The following USP32 variants were observed in gnomAD, a reference collection of about 807,000 sequenced individuals.
The protein encoded by USP32 is ubiquitin carboxyl-terminal hydrolase 32.
USP32 carries 59 observed loss-of-function variants against 204.8 expected under a neutral mutation model. That is an observed-to-expected ratio of 0.29 (90% confidence interval 0.23 to 0.36). The LOEUF is 0.36. Among genes scored for constraint, USP32 ranks in the 10% least tolerant of loss-of-function variants. USP32 has a pLI of 1.00. For synonymous variants in USP32, 517 were observed against 678.4 expected, an observed-to-expected ratio of 0.76 and a Z score of 3.70; for missense variants, 1,160 against 1,946.4, an observed-to-expected ratio of 0.60 and a Z score of 7.60.
At chr17:60,222,613 T>A in intron 14 of USP32, 64 bp from the exon 15 acceptor site, 1 of 1,526,886 alleles carries the variant, frequency 6.5e-7, no homozygotes, top group Non-Finnish European at 8.9e-7. Context: ...GTCTCAGCAA[T>A]ACCTAGAAAC....
intron 1 of USP32, among the ~76,000 whole-genome samples, chr17:60,369,241 G>A (rs1365440577): frequency 1.5e-5 from 2 of 137,434 alleles, no homozygotes; most frequent in African/African-American, 6.9e-5. Flanking sequence ...TGATCCGCCC[G>A]CCTCGGCCTC....
At chr17:60,197,621 A>T (rs2084556727) in intron 27 of USP32, among the ~76,000 whole-genome samples, 2 of 152,260 alleles carry the variant, frequency 1.3e-5, no homozygotes, top group African/African-American at 4.8e-5. Flanking sequence ...AAAAAAAGAA[A>T]AGAAAAGAAA....
At chr17:60,260,901 CAAAA>C (rs999439320) in intron 9 of USP32, among the ~76,000 whole-genome samples, 4 of 151,644 alleles carry the variant, frequency 2.6e-5, no homozygotes, top group Admixed American at 2.0e-4. Flanking sequence ...TAAAACAAAA[CAAAA>C]AAAACCCAGA....
intron 1 of USP32, among the ~76,000 whole-genome samples, chr17:60,414,636 T>C (rs2090046469): frequency 6.6e-6 from 1 of 151,366 alleles, no homozygotes; most frequent in South Asian, 2.1e-4. Flanking sequence ...GCCATGTTGG[T>C]CAGGTTGGCC....
chr17:60,219,058 C>T (rs2085175849), intron 16 of USP32, among the ~76,000 whole-genome samples: 1 of 152,094 alleles, frequency 6.6e-6, no homozygotes, highest in South Asian at 2.1e-4. Context: ...TTTTGATAGG[C>T]TTGATGTTTT....
intron 26 of USP32, among the ~76,000 whole-genome samples, chr17:60,204,330 T>G (rs904598208): frequency 2.0e-5 from 3 of 152,162 alleles, no homozygotes; most frequent in Non-Finnish European, 4.4e-5. Flanking sequence ...TTTTCTAATT[T>G]TTTTAGAGAC....
At chr17:60,229,977 C>T (rs1021956123) in intron 12 of USP32, among the ~76,000 whole-genome samples, 1 of 152,078 alleles carries the variant, frequency 6.6e-6, no homozygotes, top group African/African-American at 2.4e-5. Flanking sequence ...CTGCGCCTGG[C>T]TAATTTTTGT....
chr17:60,306,562 C>T (rs571028056), intron 2 of USP32, among the ~76,000 whole-genome samples: 4 of 151,850 alleles, frequency 2.6e-5, no homozygotes, highest in Non-Finnish European at 4.4e-5. Context: ...CACTTGAACC[C>T]GGAAGGCAGA....
At chr17:60,312,056 C>T (rs1281628889) in intron 2 of USP32, among the ~76,000 whole-genome samples, 2 of 152,146 alleles carry the variant, frequency 1.3e-5, no homozygotes, top group African/African-American at 4.8e-5. Context: ...TATTAATATA[C>T]CAACTATGTG....
At chr17:60,264,214 C>A (rs546600572) in intron 9 of USP32, among the ~76,000 whole-genome samples, 146 of 151,940 alleles carry the variant, frequency 9.6e-4, no homozygotes, top group African/African-American at 3.3e-3. Context: ...AGGTCCTTAC[C>A]ACAACCATTT....
chr17:60,195,185 C>T (rs1425077667), intron 27 of USP32, among the ~76,000 whole-genome samples: 1 of 152,248 alleles, frequency 6.6e-6, no homozygotes, highest in African/African-American at 2.4e-5. Context: ...ACTAAAATAG[C>T]TTTCACAAAG....
chr17:60,234,991 C>A (rs1477971717), intron 12 of USP32, among the ~76,000 whole-genome samples: 1 of 152,084 alleles, frequency 6.6e-6, no homozygotes, highest in Non-Finnish European at 1.5e-5. Context: ...TACTACCCTC[C>A]CCAAATTTCT....
intron 1 of USP32, among the ~76,000 whole-genome samples, chr17:60,382,322 C>T (rs1355038709): frequency 1.3e-5 from 2 of 152,188 alleles, no homozygotes; most frequent in African/African-American, 2.4e-5. Context: ...CACAGTGAGG[C>T]TTCGTCTCTG....
intron 29 of USP32, 172 bp from the exon 30 acceptor site, chr17:60,185,823 A>C: frequency 1.4e-6 from 1 of 715,248 alleles, no homozygotes; most frequent in Non-Finnish European, 2.1e-6. Flanking sequence ...GCACTTTAGG[A>C]GGCCGAGGTG....
intron 9 of USP32, among the ~76,000 whole-genome samples, chr17:60,256,292 A>G (rs988441198): frequency 6.6e-6 from 1 of 152,222 alleles, no homozygotes; most frequent in Admixed American, 6.5e-5. Context: ...TTCACATTCA[A>G]AAAGTAGAAG....
intron 4 of USP32, among the ~76,000 whole-genome samples, chr17:60,293,305 AT>A (rs1479952859): frequency 1.3e-5 from 2 of 152,226 alleles, no homozygotes; most frequent in Non-Finnish European, 2.9e-5. Context: ...AAATGAAAAA[AT>A]ATCATACTTC....
chr17:60,352,600 C>T (rs1023205346), intron 1 of USP32, among the ~76,000 whole-genome samples: 4 of 152,182 alleles, frequency 2.6e-5, no homozygotes, highest in African/African-American at 9.7e-5. Flanking sequence ...AAAATCCTTT[C>T]CTGGCTTTAA....
chr17:60,238,251 C>T lies in USP32; in HGVS notation c.1137-2011G>A, dbSNP rs957203645. Among the ~76,000 whole-genome samples the T allele has an allele frequency of 3.9e-5, 6 of 152,196 alleles. No homozygotes were observed. In the South Asian group the frequency reaches 8.3e-4, roughly 21 times the overall value. On this transcript the variant is annotated intron_variant, in intron 11 of 33. Transcript: ENST00000300896. ...GTCTATTTTTAAATTGGGTTGTTTGCTTTTTGTTGTTAAGCTGTAGGAGTT... is the reference window on the plus strand; with the variant it reads ...GTCTATTTTTAAATTGGGTTGTTTGTTTTTTGTTGTTAAGCTGTAGGAGTT...
chr17:60,252,459 T>C lies in USP32; in HGVS notation c.1075-17A>G, dbSNP rs1598145442. The C allele has an allele frequency of 1.3e-6, 2 of 1,596,656 alleles. No individual in the cohort carries two copies. Among genetic ancestry groups the C allele is most frequent in the East Asian group, 2.3e-5 (1 of 44,204 alleles). On this transcript the variant is annotated splice_polypyrimidine_tract_variant and intron_variant, in intron 10 of 33. Coordinates refer to ENST00000300896, the MANE Select transcript of USP32 (RefSeq NM_032582.4). ...GTGACACACCTAGGGAAAAAAATGG[T>C]AAATCAAAGTTTATTAACTGCATAA... is the stretch of plus-strand genomic sequence containing the variant.
Sources: gnomAD v4.1 joint callset for allele counts (sites outside exome capture counted in the v4.1 genomes callset) on GRCh38, gnomAD v4.1.1 for gene constraint, MANE v1.5 for transcripts, NCBI Gene and HGNC (gene_info 2026-07-23, HGNC 2026-07-21) for gene names.